TENM3: variants seen among roughly 807,000 people sequenced by gnomAD.
TENM3 encodes teneurin-3.
In TENM3, 63 loss-of-function variants were observed where a neutral mutation model predicts 255.1. That is an observed-to-expected ratio of 0.25 (90% CI 0.20 to 0.30). The LOEUF is 0.30. Among genes scored for constraint, TENM3 ranks in the 10% least tolerant of loss-of-function variants. The pLI, the probability that TENM3 is intolerant of heterozygous loss-of-function variation, is 1.00. For missense variants in TENM3, 2,929 were observed against 3,461.1 expected, an observed-to-expected ratio of 0.85 and a Z score of 3.86; for synonymous variants, 1,306 against 1,322.3, an observed-to-expected ratio of 0.99 and a Z score of 0.27.
At chr4:182,785,564 C>T (rs994891407) in intron 24 of TENM3, among the ~76,000 whole-genome samples, 2 of 151,130 alleles carry the variant, frequency 1.3e-5, no homozygotes, top group African/African-American at 2.4e-5. Flanking sequence ...AAAAATTAGC[C>T]AGGCGTGGTG....
At chr4:182,721,373 C>T (rs561825475) in intron 13 of TENM3, among the ~76,000 whole-genome samples, 111 of 152,230 alleles carry the variant, frequency 7.3e-4, no homozygotes, top group Middle Eastern at 3.4e-3. Flanking sequence ...CTTCCAAGGA[C>T]GATATCTTAG....
the TENM3 span, among the ~76,000 whole-genome samples, chr4:181,924,680 A>G: frequency 2.0e-5 from 3 of 152,192 alleles, no homozygotes; most frequent in African/African-American, 7.2e-5. Flanking sequence ...AATAAGCTTC[A>G]TCAACAATTT....
At chr4:181,712,095 A>C in the TENM3 span, among the ~76,000 whole-genome samples, 1 of 152,006 alleles carries the variant, frequency 6.6e-6, no homozygotes, top group Non-Finnish European at 1.5e-5. Flanking sequence ...TCTCTTTCTC[A>C]CTCCTCCCCA....
chr4:181,920,735 TA>T, the TENM3 span, among the ~76,000 whole-genome samples: 1 of 151,808 alleles, frequency 6.6e-6, no homozygotes, highest in South Asian at 2.1e-4. Flanking sequence ...CTCTTTAGTT[TA>T]ATTAGATCCC....
chr4:181,912,586 A>G, the TENM3 span, among the ~76,000 whole-genome samples: 1 of 151,956 alleles, frequency 6.6e-6, no homozygotes, highest in African/African-American at 2.4e-5. Flanking sequence ...TGAGGTCAGG[A>G]GTTCAAGACC....
chr4:182,250,131 C>T (rs1279265040), intron 1 of TENM3, among the ~76,000 whole-genome samples: 1 of 149,116 alleles, frequency 6.7e-6, no homozygotes, highest in Non-Finnish European at 1.5e-5. Flanking sequence ...GGGCTCACTG[C>T]AAGCTCTGCC....
the TENM3 span, among the ~76,000 whole-genome samples, chr4:181,833,643 T>C: frequency 6.6e-6 from 1 of 152,180 alleles, no homozygotes; most frequent in African/African-American, 2.4e-5. Flanking sequence ...GAGAAGACCC[T>C]GCTTTTAGAC....
At chr4:182,497,059 CTTT>C (rs112562945) in intron 3 of TENM3, among the ~76,000 whole-genome samples, 1 of 144,782 alleles carries the variant, frequency 6.9e-6, no homozygotes, top group Non-Finnish European at 1.5e-5. Flanking sequence ...CCACTTACAG[CTTT>C]TTTTTTTTTT....
At chr4:182,340,837 C>T (rs1764442915) in intron 2 of TENM3, among the ~76,000 whole-genome samples, 1 of 152,126 alleles carries the variant, frequency 6.6e-6, no homozygotes, top group East Asian at 1.9e-4. Context: ...CACTCCATGC[C>T]TGAGAAGAAA....
the TENM3 span, among the ~76,000 whole-genome samples, chr4:181,795,171 C>A: frequency 1.3e-5 from 2 of 152,074 alleles, no homozygotes; most frequent in African/African-American, 4.8e-5. Context: ...TTGGTCAGTT[C>A]AGGCTGCTAT....
At chr4:182,621,085 G>A (rs913681478) in intron 4 of TENM3, among the ~76,000 whole-genome samples, 2 of 151,930 alleles carry the variant, frequency 1.3e-5, no homozygotes, top group African/African-American at 4.8e-5. Context: ...GGAGGCTGAG[G>A]CAGGAGAATG....
Position 182,688,282 on chromosome 4 carries a change from G to A in TENM3, c.2152G>A (p.Glu718Lys), listed in dbSNP as rs769683575. ...GAGAGCCTGCCACCCCCGCTGTGCC[G>A]AGCACGGGACCTGCAAGGATGGCAA... ...NQRACHPRCAEHGTCKDGKCE... is the reference protein window; with the variant it reads ...NQRACHPRCAKHGTCKDGKCE... The change falls in exon 12 of 28, where the codon GAG (glutamate) becomes AAG (lysine). Residue 718 changes from glutamate (E) to lysine (K), a missense_variant. This residue lies in a region of TENM3 where 1,608 missense variants were observed against 1,884.4 expected (regional missense o/e 0.85). Coordinates refer to ENST00000511685, the MANE Select transcript of TENM3 (RefSeq NM_001080477.4). 5.6e-6 allele frequency: 9 copies of A among 1,613,904 alleles called. No homozygotes were observed. Among genetic ancestry groups the A allele is most frequent in the African/African-American group, 1.3e-5 (1 of 75,024 alleles).
At chr4:182,631,359 A>C (rs561693380) in intron 5 of TENM3, 1 of 152,310 alleles carries the variant, frequency 6.6e-6, no homozygotes, top group South Asian at 2.1e-4. Context: ...TTATCACTTT[A>C]ATTAAGCACA....
chr4:182,409,442 T>G (rs1022900080), intron 3 of TENM3, among the ~76,000 whole-genome samples: 1 of 152,218 alleles, frequency 6.6e-6, no homozygotes, highest in Admixed American at 6.5e-5. Context: ...ATTTTAACTG[T>G]AATAGCCCCA....
At chr4:182,497,244 G>C (rs1239431563) in intron 3 of TENM3, among the ~76,000 whole-genome samples, 1 of 151,908 alleles carries the variant, frequency 6.6e-6, no homozygotes, top group Non-Finnish European at 1.5e-5. Context: ...TAGTAGACGG[G>C]GTTTCACCAT....
chr4:181,801,622 C>G, the TENM3 span, among the ~76,000 whole-genome samples: 1 of 140,974 alleles, frequency 7.1e-6, no homozygotes, highest in African/African-American at 2.7e-5. Context: ...TTTTGTAAGC[C>G]TGGTTTTTAC....
At chr4:182,402,890 G>A (rs1769301209) in intron 3 of TENM3, among the ~76,000 whole-genome samples, 1 of 152,138 alleles carries the variant, frequency 6.6e-6, no homozygotes, top group Non-Finnish European at 1.5e-5. Context: ...TTGAATGAAA[G>A]GATGTTTTTG....
chr4:181,867,243 C>T, the TENM3 span, among the ~76,000 whole-genome samples: 16 of 152,142 alleles, frequency 1.1e-4, no homozygotes, highest in Non-Finnish European at 1.5e-5. Flanking sequence ...TTTCTTCAAT[C>T]AAACTGAAAT....
intron 12 of TENM3, among the ~76,000 whole-genome samples, chr4:182,691,776 G>C (rs1757027247): frequency 6.6e-6 from 1 of 152,076 alleles, no homozygotes; most frequent in Non-Finnish European, 1.5e-5. Context: ...TTCCTCCCCA[G>C]AAAGCATTCA....
Sources: allele counts gnomAD v4.1 joint callset (sites outside exome capture counted in the v4.1 genomes callset), GRCh38; gene constraint gnomAD v4.1.1; regional missense constraint gnomAD v4.1.1; transcripts MANE v1.5; gene names NCBI Gene and HGNC (gene_info 2026-07-23, HGNC 2026-07-21).